ITGA4: variants seen among roughly 807,000 people sequenced by gnomAD.
The protein encoded by ITGA4 is integrin alpha-4.
In ITGA4, 63 loss-of-function variants were observed where a neutral mutation model predicts 133.6. The observed-to-expected ratio is 0.47, with a 90% confidence interval of 0.38 to 0.58. The LOEUF is 0.58. Ranked by LOEUF, ITGA4 falls within the 20% of genes least tolerant of loss-of-function variation. The pLI, the probability that ITGA4 is intolerant of heterozygous loss-of-function variation, is 0.00. For synonymous variants in ITGA4, 483 were observed against 438.0 expected (o/e 1.10, Z -1.28); for missense variants, 1,076 against 1,252.7 (o/e 0.86, Z 2.13).
chr2:181,524,674 A>G lies in ITGA4; in HGVS notation c.2249+424A>G, dbSNP rs1686797538. On this transcript the variant is annotated intron_variant, in intron 20 of 27. Coordinates refer to ENST00000397033, the MANE Select transcript of ITGA4 (RefSeq NM_000885.6). ...AAATTCAGAATAAACGTCAAGATGG[A>G]CTTCATTTTACCTAACACAACAACT... Among the ~76,000 whole-genome samples, 3 of 152,166 alleles carry G rather than the reference A, an allele frequency of 2.0e-5. No individual in the cohort carries two copies. The South Asian group carries it at 6.2e-4, about 32-fold the overall frequency.
chr2:181,499,772 CT>C (rs1484884555), intron 15 of ITGA4, among the ~76,000 whole-genome samples: 1 of 152,088 alleles, frequency 6.6e-6, no homozygotes, highest in African/African-American at 2.4e-5. Flanking sequence ...TAAAGAGGTT[CT>C]TTTTTTCATG....
At chr2:181,486,783 C>T (rs980834113) in intron 10 of ITGA4, among the ~76,000 whole-genome samples, 1 of 152,086 alleles carries the variant, frequency 6.6e-6, no homozygotes, top group African/African-American at 2.4e-5. Context: ...GGAGAGTGTG[C>T]AGTTTCATGG....
chr2:181,525,148 T>G, intron 20 of ITGA4, 54 bp from the exon 21 acceptor site: 2 of 1,011,756 alleles, frequency 2.0e-6, no homozygotes, highest in Non-Finnish European at 3.2e-6. Flanking sequence ...ATTAGTTCTC[T>G]CTGAAGATTT....
intron 17 of ITGA4, among the ~76,000 whole-genome samples, chr2:181,517,205 A>T (rs1043743685): frequency 5.9e-5 from 9 of 152,072 alleles, no homozygotes; most frequent in Non-Finnish European, 1.3e-4. Flanking sequence ...TAAATGAGTC[A>T]TGTATCTTGA....
chr2:181,501,431 A>G (rs1338932746), intron 15 of ITGA4, among the ~76,000 whole-genome samples: 1 of 152,190 alleles, frequency 6.6e-6, no homozygotes, highest in African/African-American at 2.4e-5. Flanking sequence ...AGGGGGATCT[A>G]TAACAGCATT....
At position 181,482,660 on chromosome 2, in the gene ITGA4, A is replaced by G. The variant is rs1312404891; in HGVS notation, c.1041+9A>G. The G allele has an allele frequency of 6.2e-7, 1 of 1,612,516 alleles. No individual in the cohort carries two copies. Among genetic ancestry groups the G allele is most frequent in the Admixed American group, 1.7e-5 (1 of 59,980 alleles). On this transcript the variant is annotated intron_variant, in intron 9 of 27. Transcript: ENST00000397033. ...ACATCAACTCTGGCTCGGTATGTCC[A>G]AGTGCCCCAACTGGAAGCCATTTAT... is the stretch of plus-strand genomic sequence containing the variant.
At position 181,537,514 on chromosome 2, in the gene ITGA4, CTA is replaced by C. The variant is rs754920145; in HGVS notation, c.*1989_*1990del. ...CTTTTTTGGCAGGTAGGCTATATAA[CTA>C]TGTGATTTTGAAATTTAACTGCTCT... On this transcript the variant is annotated 3_prime_UTR_variant, in exon 28 of 28. Coordinates refer to ENST00000397033, the MANE Select transcript of ITGA4 (RefSeq NM_000885.6). 2.5e-4 allele frequency: 114 copies of C among 450,056 alleles called. No individual in the cohort carries two copies. The highest frequency in any genetic ancestry group is 4.7e-4 in the Non-Finnish European group (106 of 224,374). 27.9% of individuals were successfully genotyped at this position (450,056 alleles called of 1,614,324 possible). A position where few individuals can be genotyped will look rare whatever the true frequency, so the allele number is the denominator to read the frequency against.
intron 23 of ITGA4, 32 bp from the exon 24 acceptor site, chr2:181,530,492 G>A: frequency 1.3e-6 from 2 of 1,588,784 alleles, no homozygotes; most frequent in East Asian, 2.3e-5. Flanking sequence ...AGTGTTGAAA[G>A]ATAAGATTTC....
intron 24 of ITGA4, among the ~76,000 whole-genome samples, chr2:181,531,391 TTC>T: frequency 6.6e-6 from 1 of 152,170 alleles, no homozygotes; most frequent in Non-Finnish European, 1.5e-5. Flanking sequence ...TTTTTAAAAA[TTC>T]TGTCCCAGAA....
chr2:181,509,614 A>G (rs371008797), intron 15 of ITGA4, 44 bp from the exon 16 acceptor site: 23 of 1,487,756 alleles, frequency 1.5e-5, no homozygotes, highest in Admixed American at 9.3e-5. Flanking sequence ...TTTTTAATCT[A>G]CGTGCTTGTT....
At position 181,498,736 on chromosome 2, in the gene ITGA4, A is replaced by C. The variant is rs200127420; in HGVS notation, c.1654A>C (p.Ser552Arg). 3 of 1,612,184 alleles carry C rather than the reference A, an allele frequency of 1.9e-6. 1 individual carries two copies. The highest frequency in any genetic ancestry group is 2.2e-5 in the South Asian group (2 of 90,846). The stretch of plus-strand genomic sequence containing the variant: ...GATTACAGGAAGCATACAGGTGTCC[A>C]GCAGAGAAGCTAACTGTAGAACACA... ...DVITGSIQVS[S>R]REANCRTHQA... Residue 552 changes from serine to arginine, a missense_variant, in exon 15 of 28, where the codon AGC (serine) becomes CGC (arginine). Physicochemically the swap from Ser to Arg is moderately radical, Grantham distance 110 (BLOSUM62 -1). Around this residue, in one of 4 missense-constraint regions of ITGA4, gnomAD observed 365 missense variants for 421.4 expected, o/e 0.87. Coordinates refer to ENST00000397033, the MANE Select transcript of ITGA4 (RefSeq NM_000885.6).
intron 5 of ITGA4, chr2:181,479,865 G>A (rs990722122): frequency 3.9e-5 from 8 of 204,876 alleles, no homozygotes; most frequent in Middle Eastern, 1.7e-3. Context: ...TTACTCTAGC[G>A]TTCAGTACTT....
At chr2:181,504,379 G>A (rs983272861) in intron 15 of ITGA4, among the ~76,000 whole-genome samples, 1 of 151,952 alleles carries the variant, frequency 6.6e-6, no homozygotes, top group East Asian at 1.9e-4. Flanking sequence ...TTCCATAGTA[G>A]TTTCAGGAAA....
chr2:181,492,230 A>G (rs890115909), intron 10 of ITGA4, among the ~76,000 whole-genome samples: 1 of 152,216 alleles, frequency 6.6e-6, no homozygotes, highest in Non-Finnish European at 1.5e-5. Context: ...TACAAGTCAA[A>G]AGAGGCTAGC....
Position 181,531,760 on chromosome 2 carries a change from C to T in ITGA4, c.2768C>T (p.Pro923Leu). The T allele has an allele frequency of 1.9e-6, 3 of 1,596,744 alleles. No homozygotes were observed. Among genetic ancestry groups the T allele is most frequent in the Non-Finnish European group, 2.6e-6 (3 of 1,173,730 alleles). Residue 923 changes from proline to leucine, a missense_variant, in exon 25 of 28, where the codon CCA becomes CTA. Transcript: ENST00000397033. ...GTTCATATCCAACTGGAAGGCCGGC[C>T]ATCCATTTTAGAAATGGTAAGTAAG... ...ASVHIQLEGR[P>L]SILEMDETSA...
chr2:181,472,481 C>T (rs1221160371), intron 2 of ITGA4, among the ~76,000 whole-genome samples: 1 of 152,136 alleles, frequency 6.6e-6, no homozygotes, highest in Admixed American at 6.6e-5. Flanking sequence ...TTTCTTCTTG[C>T]TCAATTGTCT....
Position 181,493,424 on chromosome 2 carries a change from G to A in ITGA4, c.1248+5G>A, listed in dbSNP as rs761615070. The A allele has an allele frequency of 1.3e-5, 21 of 1,560,774 alleles. No homozygotes were observed. The highest frequency in any genetic ancestry group is 1.8e-5 in the Non-Finnish European group (20 of 1,137,244). On this transcript the variant is annotated splice_donor_5th_base_variant and intron_variant, in intron 11 of 27. Coordinates refer to ENST00000397033, the MANE Select transcript of ITGA4 (RefSeq NM_000885.6). ...ATCTCGTCAACCTTCTCACAGGTAA[G>A]GTACTATTCTATTTCCAAAAGAAGC...
At chr2:181,531,571 G>A (rs1364573753) in intron 24 of ITGA4, 86 bp from the exon 25 acceptor site, 2 of 597,068 alleles carry the variant, frequency 3.3e-6, no homozygotes, top group Non-Finnish European at 5.2e-6. Flanking sequence ...TGCCATTAGA[G>A]TATATATTAA....
At chr2:181,533,136 T>C (rs1300010560) in intron 25 of ITGA4, among the ~76,000 whole-genome samples, 1 of 152,212 alleles carries the variant, frequency 6.6e-6, no homozygotes, top group African/African-American at 2.4e-5. Context: ...TAGTTTGAGA[T>C]GAAACTAGTT....
Sources: allele counts gnomAD v4.1 joint callset (sites outside exome capture counted in the v4.1 genomes callset), GRCh38; gene constraint gnomAD v4.1.1; regional missense constraint gnomAD v4.1.1; transcripts MANE v1.5; gene names NCBI Gene and HGNC (gene_info 2026-07-23, HGNC 2026-07-21).